The following AUTS2 variants were observed in gnomAD, a reference collection of about 807,000 sequenced individuals.
AUTS2 encodes autism susceptibility gene 2 protein.
In AUTS2, 17 loss-of-function variants were observed where a neutral mutation model predicts 112.4. The ratio of observed to expected loss-of-function variants is 0.15; its 90% confidence interval spans 0.10 to 0.23. The LOEUF is 0.23. AUTS2 is among the 10% of genes least tolerant of loss of function. AUTS2 has a pLI of 1.00. For synonymous variants in AUTS2, 751 were observed against 702.7 expected (o/e 1.07, Z -1.09); for missense variants, 1,510 against 1,701.6 (o/e 0.89, Z 1.98).
chr7:70,596,208 G>A (rs1057033418), intron 5 of AUTS2: 9 of 152,778 alleles, frequency 5.9e-5, no homozygotes, highest in African/African-American at 1.7e-4. Context: ...CAGCTCCTGG[G>A]CCGAGGCATC....
intron 6 of AUTS2, among the ~76,000 whole-genome samples, chr7:70,714,883 T>C (rs2129550422): frequency 6.6e-6 from 1 of 152,342 alleles, no homozygotes; most frequent in Non-Finnish European, 1.5e-5. Context: ...CCAGTTTTAG[T>C]GATGTCAAAA....
At chr7:70,469,715 A>C (rs1797303696) in intron 5 of AUTS2, among the ~76,000 whole-genome samples, 1 of 152,208 alleles carries the variant, frequency 6.6e-6, no homozygotes, top group Non-Finnish European at 1.5e-5. Context: ...GTCTAGGCTC[A>C]CTGCAACCTC....
At chr7:70,178,336 C>T (rs1482704311) in intron 4 of AUTS2, among the ~76,000 whole-genome samples, 9 of 151,992 alleles carry the variant, frequency 5.9e-5, no homozygotes, top group African/African-American at 2.2e-4. Context: ...CGTCTTTAAA[C>T]CTGCAAGACA....
intron 4 of AUTS2, among the ~76,000 whole-genome samples, chr7:70,265,055 A>G (rs1241227460): frequency 6.6e-6 from 1 of 152,218 alleles, no homozygotes; most frequent in Non-Finnish European, 1.5e-5. Context: ...AAATGTATCT[A>G]ATTCCTTAGG....
At chr7:70,615,674 G>A (rs927702877) in intron 5 of AUTS2, among the ~76,000 whole-genome samples, 3 of 152,124 alleles carry the variant, frequency 2.0e-5, no homozygotes, top group Admixed American at 6.5e-5. Flanking sequence ...GGCGTAGGTA[G>A]AGGTCAACTG....
rs142413717 is a variant in AUTS2, at chr7:69,885,903, T to G, written c.310-13383T>G. On this transcript the variant is annotated intron_variant, in intron 1 of 18. Transcript: ENST00000342771. ...TGACCTTTCAGTAAATTATGTTTAG[T>G]TCTTAAATCAAAACCCAGTTAGGAC... Among the ~76,000 whole-genome samples, 63 of 152,354 alleles carry G rather than the reference T, an allele frequency of 4.1e-4. No individual in the cohort carries two copies. The East Asian group carries it at 0.012, about 29-fold the overall frequency.
chr7:70,730,632 C>T (rs540372880), intron 6 of AUTS2, among the ~76,000 whole-genome samples: 19 of 152,250 alleles, frequency 1.2e-4, no homozygotes, highest in African/African-American at 3.9e-4. Context: ...GGATATGCCA[C>T]GTTTTGTTTA....
chr7:69,834,445 G>C (rs1791633357), intron 1 of AUTS2, among the ~76,000 whole-genome samples: 1 of 152,178 alleles, frequency 6.6e-6, no homozygotes, highest in Non-Finnish European at 1.5e-5. Context: ...AGTGCTGGAG[G>C]CAGGTTTAGG....
chr7:70,086,717 G>A (rs1803626085), intron 2 of AUTS2, among the ~76,000 whole-genome samples: 1 of 149,888 alleles, frequency 6.7e-6, no homozygotes, highest in Admixed American at 6.6e-5. Context: ...TTATCATTAT[G>A]TATTTTTGAA....
chr7:69,691,760 T>G (rs1309467330), intron 1 of AUTS2, among the ~76,000 whole-genome samples: 1 of 152,054 alleles, frequency 6.6e-6, no homozygotes, highest in African/African-American at 2.4e-5. Flanking sequence ...GGCTCCTGTC[T>G]TTTCCTGGCT....
intron 4 of AUTS2, among the ~76,000 whole-genome samples, chr7:70,188,359 G>A (rs1374925996): frequency 6.6e-6 from 1 of 152,184 alleles, no homozygotes; most frequent in Non-Finnish European, 1.5e-5. Context: ...AGGGCTAGGA[G>A]GCTACAGAGG....
At chr7:70,496,592 A>T (rs149753838) in intron 5 of AUTS2, among the ~76,000 whole-genome samples, 20 of 79,374 alleles carry the variant, frequency 2.5e-4, no homozygotes, top group African/African-American at 1.1e-3. Context: ...TCACATCAGC[A>T]TCAATCACAC....
chr7:69,681,362 C>T (rs1022556129), intron 1 of AUTS2, among the ~76,000 whole-genome samples: 34 of 152,196 alleles, frequency 2.2e-4, no homozygotes, highest in African/African-American at 7.7e-4. Context: ...TACCATTTTG[C>T]AGTGTCACCA....
At chr7:69,745,061 C>T (rs1332693720) in intron 1 of AUTS2, among the ~76,000 whole-genome samples, 1 of 152,126 alleles carries the variant, frequency 6.6e-6, no homozygotes, top group Non-Finnish European at 1.5e-5. Flanking sequence ...TCTTCTTAGT[C>T]CCCATTGCAT....
At chr7:70,583,117 TC>T (rs1802526632) in intron 5 of AUTS2, among the ~76,000 whole-genome samples, 1 of 152,182 alleles carries the variant, frequency 6.6e-6, no homozygotes, top group Non-Finnish European at 1.5e-5. Context: ...TGGCTGGTCT[TC>T]CTGCTGCCCG....
intron 4 of AUTS2, among the ~76,000 whole-genome samples, chr7:70,252,680 G>A (rs984339748): frequency 6.6e-6 from 1 of 151,888 alleles, no homozygotes; most frequent in Non-Finnish European, 1.5e-5. Flanking sequence ...GTTGTGGAAC[G>A]TTTTCCTATG....
At chr7:70,375,783 C>A (rs573503805) in intron 4 of AUTS2, among the ~76,000 whole-genome samples, 2 of 152,056 alleles carry the variant, frequency 1.3e-5, no homozygotes, top group Non-Finnish European at 2.9e-5. Context: ...AAATTCTAAA[C>A]CAGCTGTTTT....
At chr7:70,038,348 C>T (rs2129557459) in intron 2 of AUTS2, among the ~76,000 whole-genome samples, 1 of 152,194 alleles carries the variant, frequency 6.6e-6, no homozygotes, top group South Asian at 2.1e-4. Flanking sequence ...AAAGAGAGAA[C>T]TGTAAAACTT....
At chr7:70,308,017 G>A (rs2129614767) in intron 4 of AUTS2, among the ~76,000 whole-genome samples, 1 of 152,312 alleles carries the variant, frequency 6.6e-6, no homozygotes, top group African/African-American at 2.4e-5. Flanking sequence ...AATAACTTTT[G>A]CTTTGGTATA....
Sources: allele counts gnomAD v4.1 joint callset (sites outside exome capture counted in the v4.1 genomes callset), GRCh38; gene constraint gnomAD v4.1.1; transcripts MANE v1.5; gene names NCBI Gene and HGNC (gene_info 2026-07-23, HGNC 2026-07-21).